Variants in ITCH observed in about 807,000 individuals in gnomAD.
ITCH encodes the protein E3 ubiquitin-protein ligase Itchy homolog.
A neutral mutation model predicts 126.8 loss-of-function variants in ITCH; 28 were observed. That is an observed-to-expected ratio of 0.22 (90% CI 0.16 to 0.30). The LOEUF (loss-of-function observed/expected upper bound fraction) is 0.30, where lower values mean the gene tolerates loss of function less well. Ranked by LOEUF, ITCH falls within the 10% of genes least tolerant of loss-of-function variation. ITCH has a pLI of 1.00. For synonymous variants in ITCH, 342 were observed against 340.0 expected (o/e 1.01, Z -0.06); for missense variants, 631 against 1,032.4 (o/e 0.61, Z 5.33).
intron 2 of ITCH, among the ~76,000 whole-genome samples, chr20:34,384,573 C>G (rs919317759): frequency 1.7e-4 from 26 of 152,072 alleles, no homozygotes; most frequent in African/African-American, 6.0e-4. Context: ...GCCGCCGTGC[C>G]CAGCTGCCTG....
At chr20:34,456,872 C>G (rs1568963080) in intron 12 of ITCH, among the ~76,000 whole-genome samples, 2 of 151,328 alleles carry the variant, frequency 1.3e-5, no homozygotes, top group Non-Finnish European at 2.9e-5. Context: ...CTGAGCCACC[C>G]CGCCTGGCAC....
intron 23 of ITCH, among the ~76,000 whole-genome samples, chr20:34,495,883 TGGTCA>T (rs1989843229): frequency 7.1e-6 from 1 of 141,812 alleles, no homozygotes; most frequent in Non-Finnish European, 1.5e-5. Context: ...GAGATCAGCC[TGGTCA>T]ACATAGTGAA....
intron 12 of ITCH, among the ~76,000 whole-genome samples, chr20:34,451,319 G>A (rs919914048): frequency 6.6e-6 from 1 of 151,840 alleles, no homozygotes; most frequent in African/African-American, 2.4e-5. Flanking sequence ...AATTAGCCAG[G>A]CATGGTGGTG....
intron 2 of ITCH, among the ~76,000 whole-genome samples, chr20:34,385,634 A>G (rs2038254387): frequency 6.6e-6 from 1 of 152,168 alleles, no homozygotes; most frequent in African/African-American, 2.4e-5. Context: ...AAACCAGCAA[A>G]TGAATGCTAA....
Position 34,456,546 on chromosome 20 carries a change from T to A in ITCH, c.1211-844T>A, listed in dbSNP as rs577027060. Among the ~76,000 whole-genome samples the A allele has an allele frequency of 8.9e-5, 13 of 146,680 alleles. No homozygotes were observed. In the Admixed American group the frequency reaches 9.0e-4, roughly 10 times the overall value. ...AAGTTGTGGGGCTAAGGCAGGAGGA[T>A]CACCTGAACCTGGGAGGTCAAGGCT... is the stretch of plus-strand genomic sequence containing the variant. On this transcript the variant is annotated intron_variant, in intron 12 of 24. Coordinates refer to ENST00000374864, the MANE Select transcript of ITCH (RefSeq NM_031483.7).
At chr20:34,400,701 A>G (rs2038851543) in intron 3 of ITCH, among the ~76,000 whole-genome samples, 1 of 132,646 alleles carries the variant, frequency 7.5e-6, no homozygotes, top group Non-Finnish European at 1.5e-5. Context: ...GCTGGAGTGC[A>G]GTGGCGCGAT....
At chr20:34,485,499 A>T (rs79899665) in intron 20 of ITCH, among the ~76,000 whole-genome samples, 1 of 152,118 alleles carries the variant, frequency 6.6e-6, no homozygotes, top group East Asian at 1.9e-4. Context: ...ACGTTTTTCT[A>T]TGCATATTGA....
intron 6 of ITCH, among the ~76,000 whole-genome samples, chr20:34,420,920 A>G (rs969196872): frequency 2.6e-5 from 4 of 151,848 alleles, no homozygotes; most frequent in African/African-American, 9.7e-5. Flanking sequence ...GAACGCTTCA[A>G]CTCCTTTCCT....
intron 22 of ITCH, 138 bp from the exon 23 acceptor site, chr20:34,492,362 AC>A: frequency 1.7e-6 from 1 of 588,150 alleles, no homozygotes; most frequent in Non-Finnish European, 3.0e-6. Flanking sequence ...GCATCACTGC[AC>A]CCCAGCCTGG....
rs200651161 is a variant in ITCH, at chr20:34,440,174, A to C, written c.699A>C (p.Pro233=). ...TTATAGCATCTGTCAATGGTTCACC[A>C]TCTGCCACTTCTGAAAGTGATGGGT... ...PRRPASVNGS[P]SATSESDGSS... is the part of the protein sequence containing the mutation. The change falls in exon 9 of 25, where the codon CCA becomes CCC. Residue 233 remains proline (P), a synonymous_variant. Transcript: ENST00000374864. 1 of 1,613,034 alleles carries C rather than the reference A, an allele frequency of 6.2e-7. No homozygotes were observed. Among genetic ancestry groups the C allele is most frequent in the Non-Finnish European group, 8.5e-7 (1 of 1,178,970 alleles).
intron 2 of ITCH, among the ~76,000 whole-genome samples, chr20:34,387,619 C>CAAAAAAAA (rs771355212): frequency 1.2e-5 from 1 of 86,644 alleles, no homozygotes. Flanking sequence ...GACCCTGTCT[C>CAAAAAAAA]AAAAAAAAAA....
At chr20:34,412,723 C>A in intron 5 of ITCH, 84 bp downstream of exon 5, 1 of 1,114,234 alleles carries the variant, frequency 9.0e-7, no homozygotes, top group Non-Finnish European at 1.3e-6. Flanking sequence ...CATAATGACT[C>A]ATGTTCTCTC....
At chr20:34,417,215 G>C in intron 6 of ITCH, 1 of 665,488 alleles carries the variant, frequency 1.5e-6, no homozygotes, top group Non-Finnish European at 2.7e-6. Context: ...TCCTATCTCA[G>C]CCTCCCGAGT....
intron 2 of ITCH, among the ~76,000 whole-genome samples, chr20:34,384,874 G>A (rs1321872169): frequency 3.9e-5 from 6 of 151,920 alleles, no homozygotes; most frequent in Non-Finnish European, 7.4e-5. Context: ...GTGTTAGCCA[G>A]GTTGGTCTTG....
chr20:34,442,135 A>T, intron 9 of ITCH, 73 bp from the exon 10 acceptor site: 1 of 1,037,688 alleles, frequency 9.6e-7, no homozygotes, highest in Non-Finnish European at 1.5e-6. Flanking sequence ...ATTTAATGGA[A>T]ATGCAAAGAC....
Position 34,438,599 on chromosome 20 carries a change from C to CACG in ITCH, c.650_652dup (p.Arg217dup). On this transcript the variant is annotated inframe_insertion, in exon 8 of 25. Coordinates refer to ENST00000374864, the MANE Select transcript of ITCH (RefSeq NM_031483.7). ...AAACCTTCTAGACCTCCAAGACCTT[C>CACG]ACGACCACCACCACCCACCCCACGT... is the stretch of plus-strand genomic sequence containing the variant. 1 of 1,614,090 alleles carries CACG rather than the reference C, an allele frequency of 6.2e-7. No homozygotes were observed. The highest frequency in any genetic ancestry group is 8.5e-7 in the Non-Finnish European group (1 of 1,180,024).
intron 23 of ITCH, among the ~76,000 whole-genome samples, chr20:34,503,011 CA>C (rs1194624669): frequency 6.6e-6 from 1 of 151,866 alleles, no homozygotes; most frequent in South Asian, 2.1e-4. Flanking sequence ...GACTCTGTCT[CA>C]AAAAATATAT....
intron 16 of ITCH, chr20:34,475,871 A>G (rs986992432): frequency 4.8e-5 from 45 of 941,992 alleles, no homozygotes; most frequent in Non-Finnish European, 7.2e-5. Flanking sequence ...TCACTTAAAT[A>G]ATAATTATAA....
chr20:34,486,160 A>G (rs1347733701), intron 20 of ITCH, among the ~76,000 whole-genome samples: 1 of 151,926 alleles, frequency 6.6e-6, no homozygotes, highest in Non-Finnish European at 1.5e-5. Context: ...AACCACAGGC[A>G]TGTACTACCA....
Sources: allele counts gnomAD v4.1 joint callset (sites outside exome capture counted in the v4.1 genomes callset), GRCh38; gene constraint gnomAD v4.1.1; transcripts MANE v1.5; gene names NCBI Gene and HGNC (gene_info 2026-07-23, HGNC 2026-07-21).